The following TMEM161B variants were observed in gnomAD, a reference collection of about 807,000 sequenced individuals.
The protein encoded by TMEM161B is transmembrane protein 161B.
A neutral mutation model predicts 61.8 loss-of-function variants in TMEM161B; 34 were observed. That is an observed-to-expected ratio of 0.55 (90% CI 0.42 to 0.73). The LOEUF (loss-of-function observed/expected upper bound fraction) is 0.73, where lower values mean the gene tolerates loss of function less well. Ranked by LOEUF, TMEM161B falls within the 30% of genes least tolerant of loss-of-function variation. TMEM161B has a pLI of 0.00. For synonymous variants in TMEM161B, 167 were observed against 192.8 expected, an observed-to-expected ratio of 0.87 and a Z score of 1.11; for missense variants, 456 against 558.5, an observed-to-expected ratio of 0.82 and a Z score of 1.85.
chr5:88,211,203 AAAG>A (rs1746659459), intron 5 of TMEM161B, among the ~76,000 whole-genome samples: 1 of 152,146 alleles, frequency 6.6e-6, no homozygotes, highest in Admixed American at 6.5e-5. Flanking sequence ...TTCAAGAAAA[AAAG>A]AGATGACAGA....
downstream of TMEM161B, among the ~76,000 whole-genome samples, chr5:88,193,755 T>C (rs1241415635): frequency 1.3e-5 from 2 of 152,188 alleles, no homozygotes; most frequent in African/African-American, 2.4e-5. Context: ...TTGGTAAGAA[T>C]GATTATAAAT....
At chr5:88,231,970 C>G (rs1269629022) in intron 2 of TMEM161B, among the ~76,000 whole-genome samples, 2 of 152,146 alleles carry the variant, frequency 1.3e-5, no homozygotes, top group African/African-American at 4.8e-5. Flanking sequence ...CAAAGCTTAC[C>G]TAATACCAGT....
rs770823544 is a variant in TMEM161B, at chr5:88,199,093, A to G, written c.972T>C (p.Ala324=). Residue 324 remains alanine, a synonymous_variant, in exon 10 of 12, where the codon GCT becomes GCC. Coordinates refer to ENST00000296595, the MANE Select transcript of TMEM161B (RefSeq NM_153354.5). The part of the protein sequence containing the change: ...LRLWLIILLC[A]LRLAMMRSHL... ...GACTACGCATCATGGCCAACCGCAAAGCACACAGCAGGATTATTAACCAGA... is the reference window on the plus strand; with the variant it reads ...GACTACGCATCATGGCCAACCGCAAGGCACACAGCAGGATTATTAACCAGA... 1.5e-5 allele frequency: 24 copies of G among 1,612,916 alleles called. No homozygotes were observed. The highest frequency in any genetic ancestry group is 2.7e-5 in the African/African-American group (2 of 74,854).
intron 5 of TMEM161B, among the ~76,000 whole-genome samples, chr5:88,210,616 G>A (rs1370216178): frequency 6.6e-6 from 1 of 152,132 alleles, no homozygotes; most frequent in Admixed American, 6.5e-5. Context: ...ATGATTAGGT[G>A]AAAGTCTACA....
In TMEM161B at chr5:88,220,655, A is replaced by G; in HGVS notation, c.354T>C (p.Tyr118=). Residue 118 remains tyrosine (Y), a synonymous_variant, in exon 5 of 12, where the codon TAT becomes TAC. Transcript: ENST00000296595. The stretch of plus-strand genomic sequence containing the variant: ...AATTGTAGTAGACTTCAGTTACTAG[A>G]TACACAACTGTAGCAGCCACTGTGA... ...VDFTVAATVV[Y]LVTEVYYNFM... is the part of the protein sequence containing the mutation. 1 of 1,595,860 alleles carries G rather than the reference A, an allele frequency of 6.3e-7. No homozygotes were observed. The highest frequency in any genetic ancestry group is 8.5e-7 in the Non-Finnish European group (1 of 1,172,380).
downstream of TMEM161B, among the ~76,000 whole-genome samples, chr5:88,188,835 T>G (rs1334806390): frequency 2.6e-5 from 4 of 151,776 alleles, no homozygotes; most frequent in Non-Finnish European, 4.4e-5. Flanking sequence ...TTGGGGGGGG[T>G]GGTTAATCTT....
At chr5:88,223,044 G>A (rs1307158907) in intron 4 of TMEM161B, among the ~76,000 whole-genome samples, 8 of 151,288 alleles carry the variant, frequency 5.3e-5, no homozygotes, top group Non-Finnish European at 1.2e-4. Context: ...TGATAAATGA[G>A]TATCATTTGC....
intron 1 of TMEM161B, among the ~76,000 whole-genome samples, chr5:88,246,874 G>A (rs1360935309): frequency 6.6e-6 from 1 of 151,872 alleles, no homozygotes; most frequent in Non-Finnish European, 1.5e-5. Context: ...CAACCATATG[G>A]GTCATTGATT....
chr5:88,201,246 T>C (rs1744356131), intron 9 of TMEM161B: 1 of 152,066 alleles, frequency 6.6e-6, no homozygotes, highest in African/African-American at 2.4e-5. Context: ...ATTTTTCCTA[T>C]AATTTAATAT....
chr5:88,229,489 G>GT (rs11368125), intron 2 of TMEM161B, among the ~76,000 whole-genome samples: 39 of 143,258 alleles, frequency 2.7e-4, no homozygotes, highest in Non-Finnish European at 3.6e-4. Context: ...CTAGTTATTG[G>GT]TTTTTTTTTT....
In TMEM161B at chr5:88,196,142, C is replaced by T; in HGVS notation, c.*69G>A. On this transcript the variant is annotated 3_prime_UTR_variant, in exon 12 of 12. Coordinates refer to ENST00000296595, the MANE Select transcript of TMEM161B (RefSeq NM_153354.5). Reference sequence around the variant, plus strand: ...GTATTTGCTTTCTTCTGGTTTTCATCAGCCCTTTAAGGGCACAGATATTTT... The same window carrying T: ...GTATTTGCTTTCTTCTGGTTTTCATTAGCCCTTTAAGGGCACAGATATTTT... 6.7e-7 allele frequency: 1 copy of T among 1,502,912 alleles called. No homozygotes were observed. Among genetic ancestry groups the T allele is most frequent in the Non-Finnish European group, 8.8e-7 (1 of 1,130,530 alleles). The allele number at this position is 1,502,912 out of a possible 1,614,324, so 93.1% of individuals were successfully genotyped here.
At chr5:88,235,245 T>C (rs908790944) in intron 2 of TMEM161B, among the ~76,000 whole-genome samples, 2 of 152,240 alleles carry the variant, frequency 1.3e-5, no homozygotes, top group African/African-American at 4.8e-5. Flanking sequence ...ATAAAACTTT[T>C]AGAAATTTAA....
At chr5:88,253,131 G>A (rs2112733560) in intron 1 of TMEM161B, among the ~76,000 whole-genome samples, 1 of 152,024 alleles carries the variant, frequency 6.6e-6, no homozygotes, top group African/African-American at 2.4e-5. Flanking sequence ...TATTTTTATT[G>A]ATACACTCTT....
chr5:88,237,609 T>C (rs1305534373), intron 2 of TMEM161B, among the ~76,000 whole-genome samples: 1 of 152,048 alleles, frequency 6.6e-6, no homozygotes, highest in Non-Finnish European at 1.5e-5. Flanking sequence ...CACACCTCCC[T>C]AGCTCAATGA....
At chr5:88,212,169 T>C (rs1248193173) in intron 5 of TMEM161B, among the ~76,000 whole-genome samples, 1 of 152,164 alleles carries the variant, frequency 6.6e-6, no homozygotes. Flanking sequence ...TTCAAAATTA[T>C]GAAGAAAAAT....
chr5:88,226,146 C>T (rs1200011427), intron 3 of TMEM161B, among the ~76,000 whole-genome samples: 1 of 152,070 alleles, frequency 6.6e-6, no homozygotes, highest in Non-Finnish European at 1.5e-5. Flanking sequence ...TAGCATTTCA[C>T]ACCCATTTCT....
intron 2 of TMEM161B, among the ~76,000 whole-genome samples, chr5:88,229,036 T>C (rs957579017): frequency 6.6e-5 from 10 of 152,226 alleles, no homozygotes; most frequent in Admixed American, 6.5e-4. Context: ...AAAATCATTG[T>C]ATTAAAAAAC....
intron 5 of TMEM161B, among the ~76,000 whole-genome samples, chr5:88,215,715 A>G (rs2112487942): frequency 6.6e-6 from 1 of 152,322 alleles, no homozygotes; most frequent in Admixed American, 6.5e-5. Flanking sequence ...AAAACGAAGC[A>G]AAGTCAGTTC....
intron 8 of TMEM161B, 44 bp from the exon 9 acceptor site, chr5:88,203,119 C>T (rs778022733): frequency 4.8e-6 from 6 of 1,240,826 alleles, no homozygotes; most frequent in East Asian, 2.3e-5. Flanking sequence ...AGAAACAGCA[C>T]GTGCTAATAA....
Sources: allele counts gnomAD v4.1 joint callset (sites outside exome capture counted in the v4.1 genomes callset), GRCh38; gene constraint gnomAD v4.1.1; transcripts MANE v1.5; gene names NCBI Gene and HGNC (gene_info 2026-07-23, HGNC 2026-07-21).